The following ZNF560 variants were observed in gnomAD, a reference collection of about 807,000 sequenced individuals.
The protein encoded by ZNF560 is zinc finger protein 560.
ZNF560 carries 54 observed loss-of-function variants against 81.8 expected under a neutral mutation model. That is an observed-to-expected ratio of 0.66 (90% CI 0.53 to 0.83). ZNF560 has a LOEUF of 0.83. ZNF560 is among the 40% of genes least tolerant of loss of function. The pLI is 0.00. For missense variants in ZNF560, 940 were observed against 932.4 expected (o/e 1.01, Z -0.11); for synonymous variants, 321 against 317.9 (o/e 1.01, Z -0.10).
At chr19:9,477,132 T>C (rs781324556) in intron 2 of ZNF560, among the ~76,000 whole-genome samples, 6 of 152,260 alleles carry the variant, frequency 3.9e-5, no homozygotes, top group Admixed American at 2.6e-4. Flanking sequence ...AAAATGAGTA[T>C]TAATAACACC....
Position 9,478,272 on chromosome 19 carries a change from C to CA in ZNF560, c.-56-2904dup, listed in dbSNP as rs1031766183. On this transcript the variant is annotated intron_variant, in intron 2 of 9. Coordinates refer to ENST00000301480, the MANE Select transcript of ZNF560 (RefSeq NM_152476.3). ...ACTGCTGTCAGGAAAAACAAACAAACAAAAAAACTGCTCACAAAGAATACC... is the reference window on the plus strand; with the variant it reads ...ACTGCTGTCAGGAAAAACAAACAAACAAAAAAAACTGCTCACAAAGAATACC... Among the ~76,000 whole-genome samples the CA allele has an allele frequency of 1.1e-4, 17 of 152,082 alleles. 1 individual carries two copies. In the South Asian group the frequency reaches 3.3e-3, roughly 30 times the overall value.
At position 9,483,506 on chromosome 19, in the gene ZNF560, C is replaced by T. The variant is rs535314458; in HGVS notation, c.-56-8137G>A. ...AGGAGGTGGGGGGTCAGCCCCCGCC[C>T]GGCCAGCCGCCCCGTCCGGGAGGGG... On this transcript the variant is annotated intron_variant, in intron 2 of 9. Coordinates refer to ENST00000301480, the MANE Select transcript of ZNF560 (RefSeq NM_152476.3). Among the ~76,000 whole-genome samples the T allele has an allele frequency of 1.4e-3, 201 of 146,518 alleles. 1 individual carries two copies. Among genetic ancestry groups the T allele is most frequent in the African/African-American group, 4.6e-3 (183 of 39,754 alleles).
upstream of ZNF560, among the ~76,000 whole-genome samples, chr19:9,499,034 C>CGT (rs369564088): frequency 9.8e-5 from 15 of 152,358 alleles, no homozygotes; most frequent in African/African-American, 1.7e-4. Flanking sequence ...CATTCGATCA[C>CGT]GTCTTTAGAA....
chr19:9,469,188 C>A lies in ZNF560; in HGVS notation c.530-1G>T. On this transcript the variant is annotated splice_acceptor_variant, in intron 8 of 9. Coordinates refer to ENST00000301480, the MANE Select transcript of ZNF560 (RefSeq NM_152476.3). LOFTEE classifies it high-confidence loss of function. ...TTGGTTTTCAGGCACATTTTCCATT[C>A]TGAAATAAAAGAGAAAAATATACAT... The A allele has an allele frequency of 6.3e-7, 1 of 1,582,252 alleles. No individual in the cohort carries two copies. The highest frequency in any genetic ancestry group is 1.2e-5 in the South Asian group (1 of 85,426).
downstream of ZNF560, among the ~76,000 whole-genome samples, chr19:9,466,325 G>A (rs1185583645): frequency 6.7e-6 from 1 of 149,524 alleles, no homozygotes; most frequent in Non-Finnish European, 1.5e-5. Context: ...CAGCCTAGGT[G>A]ACAGAGTGAG....
At chr19:9,470,281 G>T in intron 7 of ZNF560, 111 bp downstream of exon 7, 1 of 1,421,804 alleles carries the variant, frequency 7.0e-7, no homozygotes, top group Non-Finnish European at 9.4e-7. Flanking sequence ...TTTTTTCAGT[G>T]TGTATATATC....
At chr19:9,483,240 A>G (rs1599668962) in intron 2 of ZNF560, among the ~76,000 whole-genome samples, 1 of 141,206 alleles carries the variant, frequency 7.1e-6, no homozygotes, top group African/African-American at 2.7e-5. Context: ...CCGGCTGCCC[A>G]CCATCTGAGA....
chr19:9,497,629 C>T (rs774777465), intron 2 of ZNF560, among the ~76,000 whole-genome samples: 7 of 151,698 alleles, frequency 4.6e-5, no homozygotes, highest in African/African-American at 1.7e-4. Flanking sequence ...ATTTACGAGA[C>T]GGCGAATACA....
chr19:9,503,367 AT>A (rs1018438494), upstream of ZNF560, among the ~76,000 whole-genome samples: 1 of 151,842 alleles, frequency 6.6e-6, no homozygotes, highest in African/African-American at 2.4e-5. Context: ...ACTAACAGAA[AT>A]TTTTTTCTTA....
chr19:9,489,025 C>T (rs1462727005), intron 2 of ZNF560, among the ~76,000 whole-genome samples: 1 of 152,226 alleles, frequency 6.6e-6, no homozygotes, highest in Admixed American at 6.5e-5. Flanking sequence ...AGAGGCCTCC[C>T]CAGAGGCAGA....
chr19:9,484,977 A>T (rs1403998369), intron 2 of ZNF560, among the ~76,000 whole-genome samples: 1 of 152,188 alleles, frequency 6.6e-6, no homozygotes, highest in African/African-American at 2.4e-5. Context: ...ATGCCAACAA[A>T]CTGGATAACC....
At chr19:9,456,856 A>G in the ZNF560 span, among the ~76,000 whole-genome samples, 2 of 152,216 alleles carry the variant, frequency 1.3e-5, no homozygotes, top group African/African-American at 4.8e-5. Flanking sequence ...TTCCTGAGCA[A>G]TTATACAGCC....
the ZNF560 span, among the ~76,000 whole-genome samples, chr19:9,504,585 T>C: frequency 6.6e-6 from 1 of 152,228 alleles, no homozygotes; most frequent in Non-Finnish European, 1.5e-5. Context: ...GAGGCTTAGT[T>C]GGCTTACCGT....
the ZNF560 span, among the ~76,000 whole-genome samples, chr19:9,459,150 G>A: frequency 1.7e-4 from 26 of 152,312 alleles, no homozygotes; most frequent in Admixed American, 3.9e-4. Flanking sequence ...ACAAGCTATA[G>A]TGGAAAGAAT....
intron 9 of ZNF560, among the ~76,000 whole-genome samples, chr19:9,468,710 C>G (rs979914932): frequency 6.7e-6 from 1 of 150,130 alleles, no homozygotes; most frequent in Non-Finnish European, 1.5e-5. Context: ...AAATATCTAT[C>G]ATTTCTGCTG....
At chr19:9,487,435 T>C (rs1390488239) in intron 2 of ZNF560, among the ~76,000 whole-genome samples, 1 of 152,254 alleles carries the variant, frequency 6.6e-6, no homozygotes, top group Non-Finnish European at 1.5e-5. Flanking sequence ...AATGGGGCAC[T>C]AAGTCACTTT....
the ZNF560 span, among the ~76,000 whole-genome samples, chr19:9,458,083 C>T: frequency 1.7e-4 from 26 of 152,212 alleles, no homozygotes; most frequent in Admixed American, 7.2e-4. Flanking sequence ...TTATTTGGAT[C>T]GAATTGCTAC....
chr19:9,487,849 G>T (rs1230264628), intron 2 of ZNF560, among the ~76,000 whole-genome samples: 19 of 152,168 alleles, frequency 1.2e-4, no homozygotes, highest in Non-Finnish European at 2.9e-5. Context: ...AAGAAAATAT[G>T]AATTTTTTAA....
chr19:9,469,082 GA>G, intron 9 of ZNF560, 22 bp downstream of exon 9: 1 of 1,535,914 alleles, frequency 6.5e-7, no homozygotes, highest in East Asian at 2.3e-5. Context: ...TGAAAAATAA[GA>G]AAGTTCTTTT....
Sources: gnomAD v4.1 joint callset for allele counts (sites outside exome capture counted in the v4.1 genomes callset) on GRCh38, gnomAD v4.1.1 for gene constraint, MANE v1.5 for transcripts, NCBI Gene and HGNC (gene_info 2026-07-23, HGNC 2026-07-21) for gene names.